The following HS1BP3 variants were observed in gnomAD, a reference collection of about 807,000 sequenced individuals.
The protein encoded by HS1BP3 is HCLS1 binding protein 3.
In HS1BP3, 32 loss-of-function variants were observed where a neutral mutation model predicts 33.5. The ratio of observed to expected loss-of-function variants is 0.95; its 90% CI spans 0.72 to 1.28. The LOEUF (loss-of-function observed/expected upper bound fraction) is 1.28. Ranked by LOEUF, HS1BP3 falls within the 50% of genes most tolerant of loss-of-function variation. The pLI is 0.00. For missense variants in HS1BP3, 486 were observed against 502.3 expected (o/e 0.97, Z 0.31); for synonymous variants, 187 against 209.2 (o/e 0.89, Z 0.92).
intron 5 of HS1BP3, among the ~76,000 whole-genome samples, chr2:20,572,694 G>A (rs539052048): frequency 1.3e-5 from 2 of 152,326 alleles, no homozygotes; most frequent in East Asian, 3.9e-4. Flanking sequence ...AGTGATTATT[G>A]TAATCTTCAG....
rs16987897 is a variant in HS1BP3 at position 20,611,522 on chromosome 2, G to A, written c.178+12374C>T. Among the ~76,000 whole-genome samples the A allele has an allele frequency of 0.072, 10,968 of 152,268 alleles. 516 individuals carry two copies. Among genetic ancestry groups the A allele is most frequent in the East Asian group, 0.14 (745 of 5,182 alleles). On this transcript the variant is annotated intron_variant, in intron 2 of 3. Transcript: ENST00000415264. The surrounding 1 kb of genome is among the most constrained non-coding windows in gnomAD (Gnocchi z 4.9). ...TTACTTCCTGTCTCCATGGTGCTGGGAGAGCTGTTGTTGCTCTGAGTGTGG... is the reference window on the plus strand; with the variant it reads ...TTACTTCCTGTCTCCATGGTGCTGGAAGAGCTGTTGTTGCTCTGAGTGTGG...
chr2:20,566,434 A>G (rs1197439766), intron 5 of HS1BP3, among the ~76,000 whole-genome samples: 3 of 152,104 alleles, frequency 2.0e-5, no homozygotes, highest in African/African-American at 7.2e-5. Flanking sequence ...AAGCCCTCAG[A>G]GTCACACTGG....
chr2:20,632,798 C>T (rs1695008102), intron 4 of HS1BP3, among the ~76,000 whole-genome samples: 1 of 152,172 alleles, frequency 6.6e-6, no homozygotes, highest in Admixed American at 6.5e-5. Flanking sequence ...CCTCCAGAAT[C>T]GCCTGCTCTA....
intron 2 of HS1BP3, among the ~76,000 whole-genome samples, chr2:20,602,149 GAGAGCAAGAC>G (rs1458537356): frequency 6.6e-6 from 1 of 150,398 alleles, no homozygotes; most frequent in Non-Finnish European, 1.5e-5. Flanking sequence ...TCAGCTAGAA[GAGAGCAAGAC>G]CTGCTCTCTT....
At chr2:20,588,398 C>A (rs1266595772), downstream of HS1BP3, among the ~76,000 whole-genome samples, 3 of 152,190 alleles carry the variant, frequency 2.0e-5, no homozygotes, top group East Asian at 3.9e-4. Flanking sequence ...CTCACTGCAA[C>A]CTTCGCCTCC....
intron 1 of HS1BP3, among the ~76,000 whole-genome samples, chr2:20,650,483 A>G (rs1572370568): frequency 6.6e-6 from 1 of 151,890 alleles, no homozygotes. Context: ...AGCAGCAACG[A>G]CCTCTCCCTG....
At chr2:20,616,790 C>A (rs999919961), downstream of HS1BP3, among the ~76,000 whole-genome samples, 1 of 152,080 alleles carries the variant, frequency 6.6e-6, no homozygotes, top group Non-Finnish European at 1.5e-5. Context: ...GGTGGTCTGC[C>A]ATCAGCCTAG....
intron 5 of HS1BP3, among the ~76,000 whole-genome samples, chr2:20,564,721 T>A (rs769772435): frequency 4.6e-5 from 7 of 152,128 alleles, no homozygotes; most frequent in Non-Finnish European, 8.8e-5. Flanking sequence ...TGATCTCAGG[T>A]AATCTGCCCG....
chr2:20,573,164 T>G (rs1267610958), intron 5 of HS1BP3, among the ~76,000 whole-genome samples: 3 of 152,150 alleles, frequency 2.0e-5, no homozygotes, highest in Admixed American at 1.3e-4. Context: ...TTTGCTGATA[T>G]AATTAAGCTG....
At chr2:20,580,289 C>T (rs767932815) in intron 5 of HS1BP3, among the ~76,000 whole-genome samples, 7 of 152,182 alleles carry the variant, frequency 4.6e-5, no homozygotes, top group South Asian at 4.1e-4. Context: ...GAGGCCGAGG[C>T]GGGTGGATTG....
At chr2:20,641,377 C>T (rs1479757817) in intron 2 of HS1BP3, among the ~76,000 whole-genome samples, 197 bp from the exon 3 acceptor site, 1 of 152,200 alleles carries the variant, frequency 6.6e-6, no homozygotes, top group Non-Finnish European at 1.5e-5. Flanking sequence ...TCAATAAAAA[C>T]ATCTTAGTGG....
chr2:20,578,304 G>T (rs1418589798), intron 5 of HS1BP3, among the ~76,000 whole-genome samples: 3 of 152,178 alleles, frequency 2.0e-5, no homozygotes, highest in African/African-American at 7.2e-5. Context: ...CATAGGAGGG[G>T]ACTTGGTCTC....
intron 5 of HS1BP3, among the ~76,000 whole-genome samples, chr2:20,585,047 C>T (rs1558323093): frequency 6.6e-6 from 1 of 152,182 alleles, no homozygotes; most frequent in Non-Finnish European, 1.5e-5. Context: ...GGTACTTGCT[C>T]CCTCATCACC....
chr2:20,584,657 C>A (rs1693636673), intron 5 of HS1BP3, among the ~76,000 whole-genome samples: 1 of 148,336 alleles, frequency 6.7e-6, no homozygotes, highest in African/African-American at 2.5e-5. Context: ...GCTAACTGCT[C>A]ACCTTAGGAA....
chr2:20,570,760 C>T (rs185868113), intron 5 of HS1BP3, among the ~76,000 whole-genome samples: 23 of 152,292 alleles, frequency 1.5e-4, no homozygotes, highest in Admixed American at 3.3e-4. Flanking sequence ...GGGAACAAGC[C>T]AGCAAGGCCT....
Position 20,651,054 on chromosome 2 carries a change from G to A in HS1BP3, c.10C>T (p.Pro4Ser). 1 of 1,238,108 alleles carries A rather than the reference G, an allele frequency of 8.1e-7. No homozygotes were observed. The highest frequency in any genetic ancestry group is 1.0e-6 in the Non-Finnish European group (1 of 991,488). 76.7% of individuals were successfully genotyped at this position (1,238,108 alleles called of 1,614,324 possible). MQS[P>S]AVLVTSRRLQ... Reference sequence around the variant, plus strand: ...CACCTGGAGGTGACGAGCACCGCCGGGGACTGCATGACGGCGGCGGGGACT... The same window carrying A: ...CACCTGGAGGTGACGAGCACCGCCGAGGACTGCATGACGGCGGCGGGGACT... The change falls in exon 1 of 7, where the codon CCG becomes TCG. Residue 4 changes from proline to serine, a missense_variant. Transcript: ENST00000304031.
chr2:20,603,607 G>A (rs760754091), intron 2 of HS1BP3, among the ~76,000 whole-genome samples: 10 of 152,216 alleles, frequency 6.6e-5, no homozygotes, highest in Non-Finnish European at 1.5e-4. Context: ...GGGGTTTGAT[G>A]GCTAAGGAGT....
Position 20,619,034 on chromosome 2 carries a change from T to G in HS1BP3, c.1132A>C (p.Ile378Leu). Residue 378 changes from isoleucine to leucine, a missense_variant, in exon 7 of 7, where the codon ATC becomes CTC. Transcript: ENST00000304031. ...TGGGCTGGTGTATCGTGGTCCTGGATGTACTGCAAGATGTCCATCTCGTCC... is the reference window on the plus strand; with the variant it reads ...TGGGCTGGTGTATCGTGGTCCTGGAGGTACTGCAAGATGTCCATCTCGTCC... ...AMDEMDILQY[I>L]QDHDTPAQAA... The G allele has an allele frequency of 6.2e-7, 1 of 1,614,130 alleles. No individual in the cohort carries two copies. Among genetic ancestry groups the G allele is most frequent in the Non-Finnish European group, 8.5e-7 (1 of 1,180,002 alleles).
chr2:20,582,365 C>T (rs557652885), intron 5 of HS1BP3, among the ~76,000 whole-genome samples: 4 of 149,602 alleles, frequency 2.7e-5, no homozygotes, highest in South Asian at 2.1e-4. Context: ...ACTGGTCTAC[C>T]GGAGGTGTGC....
Sources: allele counts gnomAD v4.1 joint callset (sites outside exome capture counted in the v4.1 genomes callset), GRCh38; gene constraint gnomAD v4.1.1; non-coding constraint Gnocchi (gnomAD v3.1); transcripts MANE v1.5; gene names NCBI Gene and HGNC (gene_info 2026-07-23, HGNC 2026-07-21).